The following HTR1F variants were observed in gnomAD, a reference collection of about 807,000 sequenced individuals.
The protein encoded by HTR1F is 5-hydroxytryptamine receptor 1F.
In HTR1F, 17 loss-of-function variants were observed where a neutral mutation model predicts 24.0. That is an observed-to-expected ratio of 0.71 (90% CI 0.48 to 1.06). The LOEUF is 1.06. Ranked by LOEUF, HTR1F falls within the 50% of genes least tolerant of loss-of-function variation. The pLI is 0.00. For missense variants in HTR1F, 391 were observed against 427.8 expected (o/e 0.91, Z 0.76); for synonymous variants, 186 against 156.8 (o/e 1.19, Z -1.39).
intron 2 of HTR1F, among the ~76,000 whole-genome samples, chr3:87,925,650 G>C (rs1704108282): frequency 6.6e-6 from 1 of 152,146 alleles, no homozygotes; most frequent in African/African-American, 2.4e-5. Flanking sequence ...AGAGTAAGCA[G>C]GACCCTGCAT....
chr3:87,894,293 G>T (rs953593001), intron 2 of HTR1F, among the ~76,000 whole-genome samples: 2 of 152,134 alleles, frequency 1.3e-5, no homozygotes, highest in Non-Finnish European at 2.9e-5. Flanking sequence ...GTCTCACTCT[G>T]TCATCCAGGC....
At chr3:87,867,891 A>C (rs1044140044) in intron 2 of HTR1F, among the ~76,000 whole-genome samples, 1 of 152,102 alleles carries the variant, frequency 6.6e-6, no homozygotes, top group Non-Finnish European at 1.5e-5. Flanking sequence ...CTTGTTGTCT[A>C]AATCATTAAT....
At chr3:87,962,789 C>G (rs1416863061) in intron 2 of HTR1F, among the ~76,000 whole-genome samples, 2 of 151,890 alleles carry the variant, frequency 1.3e-5, no homozygotes, top group African/African-American at 4.8e-5. Context: ...TTTACTTTGT[C>G]CTTGCTTGGA....
intron 2 of HTR1F, among the ~76,000 whole-genome samples, chr3:87,893,036 A>G (rs2107309590): frequency 1.3e-5 from 2 of 152,216 alleles, no homozygotes; most frequent in East Asian, 1.9e-4. Flanking sequence ...TACAGTGTAG[A>G]TCTTTAAAGT....
rs1705546575 is a variant in HTR1F, at chr3:87,981,633, C to T, written c.-42-9075C>T. Among the ~76,000 whole-genome samples the T allele has an allele frequency of 2.0e-5, 3 of 152,320 alleles. No individual in the cohort carries two copies. In the East Asian group the frequency reaches 5.8e-4, roughly 29 times the overall value. ...CCCCACCCTTCCTTTACATTCCACC[C>T]CACACACTCAACTTCTTTTCTCTTT... On this transcript the variant is annotated intron_variant, in intron 2 of 2. Coordinates refer to ENST00000319595, the MANE Select transcript of HTR1F (RefSeq NM_001322209.2).
chr3:87,884,621 C>A (rs1480560737), intron 2 of HTR1F, among the ~76,000 whole-genome samples: 1 of 152,066 alleles, frequency 6.6e-6, no homozygotes, highest in Non-Finnish European at 1.5e-5. Flanking sequence ...CATGCAGAGA[C>A]ACACATAGGC....
At chr3:87,839,135 GC>G (rs1335032196) in intron 2 of HTR1F, among the ~76,000 whole-genome samples, 1 of 149,780 alleles carries the variant, frequency 6.7e-6, no homozygotes, top group East Asian at 2.0e-4. Context: ...AAAAATCATT[GC>G]CTAGATCAAT....
intron 2 of HTR1F, among the ~76,000 whole-genome samples, chr3:87,966,140 TC>T: frequency 6.6e-6 from 1 of 152,192 alleles, no homozygotes; most frequent in East Asian, 1.9e-4. Flanking sequence ...GTGTCTATGT[TC>T]CTCATAGACA....
At chr3:87,982,850 G>A (rs1052884300) in intron 2 of HTR1F, among the ~76,000 whole-genome samples, 1 of 152,164 alleles carries the variant, frequency 6.6e-6, no homozygotes, top group African/African-American at 2.4e-5. Flanking sequence ...ATAAAGGATT[G>A]GAGAACAAAT....
intron 2 of HTR1F, among the ~76,000 whole-genome samples, chr3:87,867,952 T>C (rs1364778501): frequency 6.6e-6 from 1 of 152,142 alleles, no homozygotes; most frequent in Non-Finnish European, 1.5e-5. Flanking sequence ...GAATAAACTG[T>C]AGCACTAAGT....
intron 2 of HTR1F, among the ~76,000 whole-genome samples, chr3:87,827,075 T>C (rs1704479274): frequency 6.6e-6 from 1 of 152,038 alleles, no homozygotes; most frequent in East Asian, 1.9e-4. Flanking sequence ...CCTCCCAAAG[T>C]GTGGGAATTA....
At chr3:87,968,875 C>G (rs771461823) in intron 2 of HTR1F, among the ~76,000 whole-genome samples, 1 of 152,168 alleles carries the variant, frequency 6.6e-6, no homozygotes, top group African/African-American at 2.4e-5. Flanking sequence ...AGGCCAAGGG[C>G]CCCCCTGTTG....
chr3:87,847,414 C>A (rs1210922244), intron 2 of HTR1F, among the ~76,000 whole-genome samples: 1 of 151,630 alleles, frequency 6.6e-6, no homozygotes, highest in African/African-American at 2.4e-5. Context: ...TATTGATAGA[C>A]AATATTTTAC....
At chr3:87,890,540 C>A (rs1197066793) in intron 2 of HTR1F, among the ~76,000 whole-genome samples, 2 of 134,536 alleles carry the variant, frequency 1.5e-5, no homozygotes, top group African/African-American at 2.8e-5. Context: ...GCTCCTGATG[C>A]CTTTTTTTTT....
intron 1 of HTR1F, among the ~76,000 whole-genome samples, chr3:87,815,315 C>T (rs1480227080): frequency 7.3e-5 from 11 of 151,706 alleles, no homozygotes; most frequent in Admixed American, 7.2e-4. Context: ...TGAACTGATA[C>T]AGAAGTAGAA....
chr3:87,815,556 A>G (rs1378462433), intron 1 of HTR1F, among the ~76,000 whole-genome samples: 1 of 152,096 alleles, frequency 6.6e-6, no homozygotes, highest in Non-Finnish European at 1.5e-5. Flanking sequence ...AAGCATCATG[A>G]CATTTTTATA....
chr3:87,796,410 G>C (rs1341385965), intron 1 of HTR1F, among the ~76,000 whole-genome samples: 1 of 152,008 alleles, frequency 6.6e-6, no homozygotes, highest in African/African-American at 2.4e-5. Flanking sequence ...CAGAGCTCAA[G>C]GAAAAAGCCA....
At position 87,921,311 on chromosome 3, in the gene HTR1F, A is replaced by G. The variant is rs1349154339; in HGVS notation, c.-42-69397A>G. Among the ~76,000 whole-genome samples, 4 of 152,094 alleles carry G rather than the reference A, an allele frequency of 2.6e-5. No homozygotes were observed. In the South Asian group the frequency reaches 8.3e-4, roughly 32 times the overall value. On this transcript the variant is annotated intron_variant, in intron 2 of 2. Coordinates refer to ENST00000319595, the MANE Select transcript of HTR1F (RefSeq NM_001322209.2). ...TGTGAGAAGTAGATTATAATTTATC[A>G]TAAGAATTTAGTTTCTGTTTGATAT...
chr3:87,978,449 C>T (rs951630274), intron 2 of HTR1F, among the ~76,000 whole-genome samples: 1 of 152,108 alleles, frequency 6.6e-6, no homozygotes, highest in African/African-American at 2.4e-5. Flanking sequence ...TATTGAGCAA[C>T]AGTACAGCTC....
Sources: gnomAD v4.1 joint callset for allele counts (sites outside exome capture counted in the v4.1 genomes callset) on GRCh38, gnomAD v4.1.1 for gene constraint, MANE v1.5 for transcripts, NCBI Gene and HGNC (gene_info 2026-07-23, HGNC 2026-07-21) for gene names.